RHPN2: variants seen among roughly 807,000 people sequenced by gnomAD.
The protein encoded by RHPN2 is rhophilin Rho GTPase binding protein 2, also known as rhophilin-2.
RHPN2 carries 40 observed loss-of-function variants against 79.0 expected under a neutral mutation model. That is an observed-to-expected ratio of 0.51 (90% CI 0.39 to 0.66). The LOEUF (loss-of-function observed/expected upper bound fraction) is 0.66, where lower values mean the gene tolerates loss of function less well. RHPN2 is among the 30% of genes least tolerant of loss of function. RHPN2 has a pLI of 0.00. For synonymous variants in RHPN2, 285 were observed against 363.5 expected, an observed-to-expected ratio of 0.78 and a Z score of 2.46; for missense variants, 686 against 883.5, an observed-to-expected ratio of 0.78 and a Z score of 2.83.
rs752325119 is a variant in RHPN2 at position 33,021,579 on chromosome 19, C to T, written c.382G>A (p.Val128Ile). Residue 128 changes from valine to isoleucine, a missense_variant, in exon 4 of 15, where the codon GTC (valine) becomes ATC (isoleucine). Physicochemically the swap from Val to Ile is conservative, Grantham distance 29. Transcript: ENST00000254260. ...KETKDVDFAV[V>I]LKDFILEHYS... ...ATGGCTTTGAGATTTACCTTGAGGA[C>T]GACTGCAAAGTCGACGTCTTTCGTT... The T allele has an allele frequency of 2.8e-5, 45 of 1,613,302 alleles. No homozygotes were observed. In the South Asian group the frequency reaches 3.2e-4, roughly 11 times the overall value.
chr19:33,022,549 C>T (rs1187226282), intron 3 of RHPN2, among the ~76,000 whole-genome samples: 1 of 152,172 alleles, frequency 6.6e-6, no homozygotes, highest in Non-Finnish European at 1.5e-5. Context: ...ATGCACCTGC[C>T]TCCCAGCCCA....
At chr19:32,981,982 G>A (rs1971578939) in intron 14 of RHPN2, among the ~76,000 whole-genome samples, 2 of 151,878 alleles carry the variant, frequency 1.3e-5, no homozygotes, top group Admixed American at 6.6e-5. Flanking sequence ...GGCTATCACC[G>A]GCTTCTAAGG....
At chr19:33,023,212 A>G (rs982246666) in intron 3 of RHPN2, among the ~76,000 whole-genome samples, 4 of 152,130 alleles carry the variant, frequency 2.6e-5, no homozygotes, top group African/African-American at 9.7e-5. Context: ...AAATGGGTAG[A>G]TCACCTGAGG....
chr19:33,030,537 G>A (rs573461231), intron 2 of RHPN2, among the ~76,000 whole-genome samples: 3 of 152,188 alleles, frequency 2.0e-5, no homozygotes, highest in Admixed American at 2.0e-4. Context: ...AGGTTGCAGT[G>A]AGCTGAGAGC....
At chr19:33,016,702 T>G (rs1318145534) in intron 4 of RHPN2, among the ~76,000 whole-genome samples, 1 of 151,854 alleles carries the variant, frequency 6.6e-6, no homozygotes, top group Non-Finnish European at 1.5e-5. Context: ...ATACATAAAA[T>G]AAAATAAAAC....
rs1288890110 is a variant in RHPN2 at position 33,003,064 on chromosome 19, G to A, written c.761-64C>T. The A allele has an allele frequency of 3.3e-6, 5 of 1,493,842 alleles. No homozygotes were observed. The East Asian group carries it at 9.4e-5, about 28-fold the overall frequency. The allele number at this position is 1,493,842 out of a possible 1,614,324, so 92.5% of individuals were successfully genotyped here. On this transcript the variant is annotated intron_variant, in intron 7 of 14. Coordinates refer to ENST00000254260, the MANE Select transcript of RHPN2 (RefSeq NM_033103.5). Reference sequence around the variant, plus strand: ...ATATTTACTTCATCACGTTGCTATAGAGAAAGATAGGAGGCCGAGTGCGGT... The same window carrying A: ...ATATTTACTTCATCACGTTGCTATAAAGAAAGATAGGAGGCCGAGTGCGGT...
At chr19:33,047,205 G>A (rs1200045194) in intron 1 of RHPN2, among the ~76,000 whole-genome samples, 1 of 152,132 alleles carries the variant, frequency 6.6e-6, no homozygotes, top group Non-Finnish European at 1.5e-5. Context: ...TATCTGTCTG[G>A]TTGAAAATTA....
intron 2 of RHPN2, among the ~76,000 whole-genome samples, chr19:33,037,671 A>G (rs1054086667): frequency 1.8e-4 from 27 of 152,126 alleles, no homozygotes; most frequent in African/African-American, 6.5e-4. Context: ...CTCACCGCAG[A>G]GGTCTGCAGC....
chr19:33,054,818 C>T (rs890509558), intron 1 of RHPN2, among the ~76,000 whole-genome samples: 5 of 152,200 alleles, frequency 3.3e-5, no homozygotes, highest in African/African-American at 4.8e-5. Flanking sequence ...CAGGTGGTGT[C>T]GTGGCAACCA....
At chr19:33,049,877 C>A (rs1972173125) in intron 1 of RHPN2, among the ~76,000 whole-genome samples, 1 of 152,090 alleles carries the variant, frequency 6.6e-6, no homozygotes, top group Admixed American at 6.6e-5. Context: ...CCAGGATGAG[C>A]GGTGAGGCGG....
chr19:33,059,179 C>T (rs1029840490), intron 1 of RHPN2, among the ~76,000 whole-genome samples: 1 of 152,126 alleles, frequency 6.6e-6, no homozygotes, highest in Non-Finnish European at 1.5e-5. Flanking sequence ...CCAATCAATG[C>T]AGCAGCTGTT....
chr19:33,064,755 T>TGGGCGCCCCC, intron 1 of RHPN2, 29 bp downstream of exon 1: 2 of 1,427,948 alleles, frequency 1.4e-6, no homozygotes, highest in Non-Finnish European at 1.9e-6. Context: ...AGCCCGCAGG[T>TGGGCGCCCCC]CCCCGCCCGC....
chr19:33,064,137 A>G (rs1465684691), intron 1 of RHPN2, among the ~76,000 whole-genome samples: 1 of 152,174 alleles, frequency 6.6e-6, no homozygotes, highest in African/African-American at 2.4e-5. Context: ...TGAGCCCAAG[A>G]GTTCGCGACC....
At chr19:33,043,570 C>T (rs11673555) in intron 2 of RHPN2, among the ~76,000 whole-genome samples, 19,208 of 152,102 alleles carry the variant, frequency 0.13, 1,268 homozygotes, top group South Asian at 0.19. Context: ...AAAAACAAGG[C>T]GGCACGGGGC....
At position 33,007,967 on chromosome 19, in the gene RHPN2, C is replaced by A. The variant is rs760434645; in HGVS notation, c.760+47G>T. 19 of 1,608,386 alleles carry A rather than the reference C, an allele frequency of 1.2e-5. No individual in the cohort carries two copies. The African/African-American group carries it at 2.5e-4, about 22-fold the overall frequency. On this transcript the variant is annotated intron_variant, in intron 7 of 14. Transcript: ENST00000254260. Reference sequence around the variant, plus strand: ...TTCAGTGGGGGGTCCCCTGGTGCCACCGGGTGGGGCCAAGGCTCCGTCTGG... The same window carrying A: ...TTCAGTGGGGGGTCCCCTGGTGCCAACGGGTGGGGCCAAGGCTCCGTCTGG...
At chr19:33,017,432 C>T (rs1247521502) in intron 4 of RHPN2, among the ~76,000 whole-genome samples, 1 of 151,984 alleles carries the variant, frequency 6.6e-6, no homozygotes. Flanking sequence ...CAAATTAAAT[C>T]GTAAAGAAAC....
intron 5 of RHPN2, 46 bp from the exon 6 acceptor site, chr19:33,011,849 G>C (rs1242251517): frequency 3.7e-6 from 6 of 1,613,398 alleles, no homozygotes; most frequent in Non-Finnish European, 5.1e-6. Flanking sequence ...GGAGGACACA[G>C]CTGATGGCCC....
rs1971778482 is a variant in RHPN2 at position 33,004,972 on chromosome 19, G to A, written c.761-1972C>T. Among the ~76,000 whole-genome samples, 6 of 151,630 alleles carry A rather than the reference G, an allele frequency of 4.0e-5. No homozygotes were observed. In the Admixed American group the frequency reaches 4.0e-4, roughly 10 times the overall value. On this transcript the variant is annotated intron_variant, in intron 7 of 14. Transcript: ENST00000254260. ...AACCAGCCTGCTCCCCACAACTCCT[G>A]TGTCACCTGGGACAAAATTCCATCA...
intron 4 of RHPN2, among the ~76,000 whole-genome samples, chr19:33,020,555 G>T (rs10408569): frequency 6.7e-6 from 1 of 150,048 alleles, no homozygotes; most frequent in African/African-American, 2.5e-5. Flanking sequence ...GGGCAGTGGC[G>T]TGATCTCGGC....
Sources: allele counts gnomAD v4.1 joint callset (sites outside exome capture counted in the v4.1 genomes callset), GRCh38; gene constraint gnomAD v4.1.1; transcripts MANE v1.5; gene names NCBI Gene and HGNC (gene_info 2026-07-23, HGNC 2026-07-21).